Variants in PALM2AKAP2 observed in about 807,000 individuals in gnomAD.
PALM2AKAP2 encodes the protein PALM2 and AKAP2 fusion.
A neutral mutation model predicts 71.5 loss-of-function variants in PALM2AKAP2; 37 were observed. The observed-to-expected ratio is 0.52, with a 90% CI of 0.40 to 0.68. The LOEUF is 0.68. Ranked by LOEUF, PALM2AKAP2 falls within the 30% of genes least tolerant of loss-of-function variation. PALM2AKAP2 has a pLI of 0.00. For missense variants in PALM2AKAP2, 1,224 were observed against 1,191.8 expected, an observed-to-expected ratio of 1.03 and a Z score of -0.40; for synonymous variants, 468 against 478.8, an observed-to-expected ratio of 0.98 and a Z score of 0.29.
chr9:109,742,036 T>A (rs76395717), intron 1 of PALM2AKAP2, among the ~76,000 whole-genome samples: 6,492 of 152,304 alleles, frequency 0.043, 191 homozygotes, highest in Non-Finnish European at 0.053. Flanking sequence ...GCACACACTT[T>A]GAGAACAGGA....
chr9:109,795,582 C>T (rs554726070), intron 1 of PALM2AKAP2, among the ~76,000 whole-genome samples: 20 of 152,254 alleles, frequency 1.3e-4, no homozygotes, highest in Non-Finnish European at 2.5e-4. Flanking sequence ...TCTATAGTGC[C>T]GCCGTGGGAA....
chr9:110,015,738 A>G (rs1832969656), intron 6 of PALM2AKAP2, among the ~76,000 whole-genome samples: 1 of 152,228 alleles, frequency 6.6e-6, no homozygotes, highest in African/African-American at 2.4e-5. Context: ...AATGGATCCT[A>G]AATTGGAGAT....
intron 1 of PALM2AKAP2, among the ~76,000 whole-genome samples, chr9:109,685,722 C>T (rs1430390025): frequency 6.6e-6 from 1 of 151,968 alleles, no homozygotes; most frequent in Non-Finnish European, 1.5e-5. Context: ...TGGCTACTGA[C>T]TGATCAGGAT....
At chr9:109,890,019 T>A (rs1830050305) in intron 3 of PALM2AKAP2, among the ~76,000 whole-genome samples, 1 of 152,234 alleles carries the variant, frequency 6.6e-6, no homozygotes, top group Non-Finnish European at 1.5e-5. Flanking sequence ...ATAATAGTCT[T>A]TTTCCAATTT....
At chr9:109,994,532 C>CTAA (rs1832539463) in intron 6 of PALM2AKAP2, among the ~76,000 whole-genome samples, 1 of 152,104 alleles carries the variant, frequency 6.6e-6, no homozygotes, top group African/African-American at 2.4e-5. Flanking sequence ...CACATTTAGC[C>CTAA]CCACAGCAGT....
chr9:109,906,927 C>T (rs972775078), intron 3 of PALM2AKAP2, among the ~76,000 whole-genome samples: 1 of 152,234 alleles, frequency 6.6e-6, no homozygotes, highest in East Asian at 1.9e-4. Context: ...CTGTCACTTT[C>T]TTTCCCTCAT....
chr9:109,770,327 T>C (rs1345407084), intron 1 of PALM2AKAP2, among the ~76,000 whole-genome samples: 1 of 152,160 alleles, frequency 6.6e-6, no homozygotes, highest in Non-Finnish European at 1.5e-5. Context: ...ATTCAAGGAA[T>C]TCCTGATACC....
At chr9:109,703,700 G>A (rs1027342667) in intron 1 of PALM2AKAP2, among the ~76,000 whole-genome samples, 1 of 150,432 alleles carries the variant, frequency 6.6e-6, no homozygotes, top group African/African-American at 2.4e-5. Flanking sequence ...GTGTTAGTGT[G>A]AAAGATCCTG....
intron 1 of PALM2AKAP2, among the ~76,000 whole-genome samples, chr9:109,694,321 A>G (rs1207197559): frequency 6.6e-6 from 1 of 152,090 alleles, no homozygotes; most frequent in Admixed American, 6.5e-5. Context: ...AAGAAAAATA[A>G]TTTGTATGTG....
intron 3 of PALM2AKAP2, among the ~76,000 whole-genome samples, chr9:109,884,393 C>G (rs1197886289): frequency 1.3e-5 from 2 of 152,060 alleles, no homozygotes; most frequent in African/African-American, 4.8e-5. Flanking sequence ...ACCCGGGAAG[C>G]GGAGGTTGCA....
intron 6 of PALM2AKAP2, among the ~76,000 whole-genome samples, chr9:109,988,148 G>GTGTT (rs1442059583): frequency 6.6e-6 from 1 of 152,184 alleles, no homozygotes; most frequent in Non-Finnish European, 1.5e-5. Context: ...TCTAATAAGT[G>GTGTT]TGTTTGTTCC....
At chr9:109,762,378 A>G (rs959935209) in intron 1 of PALM2AKAP2, among the ~76,000 whole-genome samples, 2 of 152,180 alleles carry the variant, frequency 1.3e-5, no homozygotes, top group African/African-American at 4.8e-5. Context: ...CTTTTAATTT[A>G]AATATTTGTC....
chr9:109,675,547 C>A (rs1325327297), intron 1 of PALM2AKAP2, among the ~76,000 whole-genome samples: 1 of 152,086 alleles, frequency 6.6e-6, no homozygotes, highest in Admixed American at 6.6e-5. Flanking sequence ...TTAATCATCT[C>A]TTTTTCTTTT....
At chr9:110,136,903 G>T in exon 2 of PALM2AKAP2, 1 of 1,614,188 alleles carries the variant, frequency 6.2e-7, no homozygotes, top group Non-Finnish European at 8.5e-7. Context: ...AAAAGGAGAG[G>T]AGAGAGCTCA....
At chr9:109,676,179 C>A (rs1307959706) in intron 1 of PALM2AKAP2, among the ~76,000 whole-genome samples, 1 of 152,216 alleles carries the variant, frequency 6.6e-6, no homozygotes, top group East Asian at 1.9e-4. Flanking sequence ...GAGTTCCTCA[C>A]TTCCTCACGC....
intron 6 of PALM2AKAP2, among the ~76,000 whole-genome samples, chr9:109,973,302 T>G (rs1832106634): frequency 6.6e-6 from 1 of 152,208 alleles, no homozygotes. Context: ...CCAGTTGGCC[T>G]TCTCTCTACA....
rs10980169 is a variant in PALM2AKAP2, at chr9:110,058,098, G to T, written c.156+9243G>T. ...TTATCCTGCACAAAATATCAATGGT[G>T]CCAATGTTGAAAAACCCTGGTCTAA... On this transcript the variant is annotated intron_variant, in intron 1 of 3. Transcript: ENST00000374525. 2.3e-3 allele frequency among the ~76,000 whole-genome samples: 356 copies of T among 152,268 alleles called. 8 individuals carry two copies. In the East Asian group the frequency reaches 0.061, roughly 26 times the overall value.
At chr9:109,838,599 T>G (rs1211159841) in intron 1 of PALM2AKAP2, among the ~76,000 whole-genome samples, 1 of 152,148 alleles carries the variant, frequency 6.6e-6, no homozygotes, top group African/African-American at 2.4e-5. Context: ...GCTGGTTTTT[T>G]GAAAAGATCA....
chr9:109,906,561 C>CA (rs955968112), intron 3 of PALM2AKAP2, among the ~76,000 whole-genome samples: 13 of 152,202 alleles, frequency 8.5e-5, no homozygotes, highest in African/African-American at 3.1e-4. Flanking sequence ...CACACAAATG[C>CA]AAAAAGGTTA....
Sources: gnomAD v4.1 joint callset for allele counts (sites outside exome capture counted in the v4.1 genomes callset) on GRCh38, gnomAD v4.1.1 for gene constraint, MANE v1.5 for transcripts, NCBI Gene and HGNC (gene_info 2026-07-23, HGNC 2026-07-21) for gene names.